Variants in NT5DC1 observed in about 807,000 individuals in gnomAD.
The protein encoded by NT5DC1 is 5'-nucleotidase domain-containing protein 1.
Under a neutral mutation model 59.4 loss-of-function variants are expected in NT5DC1, and 42 were observed. The ratio of observed to expected loss-of-function variants is 0.71; its 90% CI spans 0.55 to 0.92. NT5DC1 has a LOEUF of 0.92. Among genes scored for constraint, NT5DC1 ranks in the 40% least tolerant of loss-of-function variants. NT5DC1 has a pLI of 0.00. For synonymous variants in NT5DC1, 172 were observed against 188.1 expected, an observed-to-expected ratio of 0.91 and a Z score of 0.70; for missense variants, 501 against 537.1, an observed-to-expected ratio of 0.93 and a Z score of 0.66.
At chr6:116,178,583 A>T (rs1456186532) in intron 6 of NT5DC1, among the ~76,000 whole-genome samples, 1 of 152,260 alleles carries the variant, frequency 6.6e-6, no homozygotes, top group Non-Finnish European at 1.5e-5. Context: ...AAGCCAAATT[A>T]CCAAGTGTTC....
chr6:116,164,163 C>G (rs1780411945), intron 6 of NT5DC1, among the ~76,000 whole-genome samples: 1 of 152,160 alleles, frequency 6.6e-6, no homozygotes, highest in Non-Finnish European at 1.5e-5. Context: ...CTTCAGTGAT[C>G]TGTTTGGTGT....
intron 6 of NT5DC1, among the ~76,000 whole-genome samples, chr6:116,160,388 ATGTT>A (rs1175032455): frequency 6.6e-6 from 1 of 151,880 alleles, no homozygotes; most frequent in African/African-American, 2.4e-5. Context: ...CATTTTCCAT[ATGTT>A]TGTTGGTCAC....
At chr6:116,121,025 G>T in intron 6 of NT5DC1, 5 of 1,614,004 alleles carry the variant, frequency 3.1e-6, no homozygotes, top group Non-Finnish European at 4.2e-6. Flanking sequence ...AGCTGGCCCT[G>T]TCTCACCTTT....
chr6:116,158,006 C>A (rs1457210447), intron 6 of NT5DC1, among the ~76,000 whole-genome samples: 1 of 152,188 alleles, frequency 6.6e-6, no homozygotes, highest in African/African-American at 2.4e-5. Context: ...GTTTTTTCCT[C>A]TGATCATTTG....
chr6:116,127,078 C>T (rs1441997167), intron 6 of NT5DC1, among the ~76,000 whole-genome samples: 1 of 152,086 alleles, frequency 6.6e-6, no homozygotes, highest in Admixed American at 6.6e-5. Flanking sequence ...CGTTTTGAAT[C>T]AAAATCAAAT....
At chr6:116,116,516 C>T (rs1454256780) in intron 5 of NT5DC1, among the ~76,000 whole-genome samples, 1 of 152,080 alleles carries the variant, frequency 6.6e-6, no homozygotes. Context: ...GTGGCGTGCA[C>T]CTGTAGTCCC....
At chr6:116,182,731 T>C (rs1780914027) in intron 6 of NT5DC1, among the ~76,000 whole-genome samples, 1 of 149,554 alleles carries the variant, frequency 6.7e-6, no homozygotes, top group African/African-American at 2.6e-5. Flanking sequence ...TTTGATGTGA[T>C]TGTTTGTTTT....
intron 6 of NT5DC1, among the ~76,000 whole-genome samples, chr6:116,210,543 C>T (rs1289414130): frequency 6.6e-6 from 1 of 151,780 alleles, no homozygotes; most frequent in Non-Finnish European, 1.5e-5. Context: ...CTCTGTATCT[C>T]GGATTTTCAG....
At chr6:116,165,331 A>G (rs112437928) in intron 6 of NT5DC1, among the ~76,000 whole-genome samples, 37 of 152,226 alleles carry the variant, frequency 2.4e-4, no homozygotes, top group African/African-American at 8.7e-4. Context: ...TTCACCTTAT[A>G]TCATATCTCA....
Position 116,237,076 on chromosome 6 carries a change from G to A in NT5DC1, c.913G>A (p.Glu305Lys). Reference sequence around the variant, plus strand: ...TCTGAAGAAAATGACTGGCAAACCTGAACCCAAGGTATTTCCCAGTTGAGG... The same window carrying A: ...TCTGAAGAAAATGACTGGCAAACCTAAACCCAAGGTATTTCCCAGTTGAGG... ...ELLKKMTGKP[E>K]PKVVYFGDSM... The change falls in exon 9 of 12, where the codon GAA becomes AAA. Residue 305 changes from glutamate (E) to lysine (K), a missense_variant. Physicochemically the swap from Glu to Lys is moderately conservative, Grantham distance 56. Coordinates refer to ENST00000319550, the MANE Select transcript of NT5DC1 (RefSeq NM_152729.3). 1 of 1,597,810 alleles carries A rather than the reference G, an allele frequency of 6.3e-7. No individual in the cohort carries two copies. The highest frequency in any genetic ancestry group is 8.6e-7 in the Non-Finnish European group (1 of 1,165,176).
At chr6:116,117,816 A>C (rs1260232340) in intron 5 of NT5DC1, 45 bp from the exon 6 acceptor site, 2 of 1,153,024 alleles carry the variant, frequency 1.7e-6, no homozygotes, top group East Asian at 2.4e-5. Context: ...ACTATGCTTA[A>C]AAACTGAATT....
chr6:116,165,423 A>G (rs1005479202), intron 6 of NT5DC1, among the ~76,000 whole-genome samples: 1 of 152,190 alleles, frequency 6.6e-6, no homozygotes, highest in African/African-American at 2.4e-5. Flanking sequence ...TTCTACCAAT[A>G]TGTTTTCCAA....
intron 11 of NT5DC1, among the ~76,000 whole-genome samples, chr6:116,240,345 ATATAG>A (rs1049927662): frequency 1.3e-5 from 2 of 152,256 alleles, no homozygotes; most frequent in East Asian, 1.9e-4. Flanking sequence ...ATTTTTAAAA[ATATAG>A]TATAATAACT....
intron 8 of NT5DC1, among the ~76,000 whole-genome samples, chr6:116,225,295 C>T (rs1781886032): frequency 6.6e-6 from 1 of 152,086 alleles, no homozygotes; most frequent in African/African-American, 2.4e-5. Context: ...CAAGTCTAGG[C>T]TCAAGATATG....
intron 8 of NT5DC1, among the ~76,000 whole-genome samples, chr6:116,232,900 T>C (rs1360543924): frequency 6.6e-6 from 1 of 152,246 alleles, no homozygotes; most frequent in Non-Finnish European, 1.5e-5. Flanking sequence ...TTTATTTATT[T>C]GCCTAAATTG....
chr6:116,148,190 T>C (rs1367943138), intron 6 of NT5DC1, among the ~76,000 whole-genome samples: 1 of 152,148 alleles, frequency 6.6e-6, no homozygotes, highest in Non-Finnish European at 1.5e-5. Flanking sequence ...AGTGCTTGCA[T>C]CTTGAGAGGC....
At chr6:116,152,606 T>C (rs1176080526) in intron 6 of NT5DC1, among the ~76,000 whole-genome samples, 1 of 152,172 alleles carries the variant, frequency 6.6e-6, no homozygotes, top group Non-Finnish European at 1.5e-5. Flanking sequence ...TTACCAGGTC[T>C]TTATTTAACC....
chr6:116,140,709 A>G (rs1366775565), intron 6 of NT5DC1, among the ~76,000 whole-genome samples: 1 of 152,140 alleles, frequency 6.6e-6, no homozygotes, highest in Admixed American at 6.5e-5. Flanking sequence ...GCATGTTTTT[A>G]AATTATATAT....
intron 6 of NT5DC1, chr6:116,121,805 G>A (rs1779139180): frequency 1.1e-5 from 18 of 1,613,906 alleles, no homozygotes; most frequent in Non-Finnish European, 1.4e-5. Flanking sequence ...TTTCCCTACA[G>A]CTGATGGTCC....
Sources: allele counts gnomAD v4.1 joint callset (sites outside exome capture counted in the v4.1 genomes callset), GRCh38; gene constraint gnomAD v4.1.1; transcripts MANE v1.5; gene names NCBI Gene and HGNC (gene_info 2026-07-23, HGNC 2026-07-21).